TNKS2: variants seen among roughly 807,000 people sequenced by gnomAD.
TNKS2 encodes tankyrase 2.
A neutral mutation model predicts 137.6 loss-of-function variants in TNKS2; 72 were observed. The observed-to-expected ratio is 0.52, with a 90% CI of 0.43 to 0.64. The LOEUF is 0.64. TNKS2 is among the 30% of genes least tolerant of loss of function. The probability of loss-of-function intolerance (pLI) is 0.00; values close to 1 mark genes in which losing one functional copy is unlikely to be tolerated. For synonymous variants in TNKS2, 516 were observed against 512.1 expected (o/e 1.01, Z -0.10); for missense variants, 1,049 against 1,410.2 (o/e 0.74, Z 4.10).
intron 9 of TNKS2, among the ~76,000 whole-genome samples, chr10:91,830,514 G>A (rs538017475): frequency 2.0e-5 from 3 of 152,242 alleles, no homozygotes; most frequent in African/African-American, 4.8e-5. Flanking sequence ...CACTGTGCCC[G>A]GCTATATTCT....
In TNKS2 at chr10:91,837,325, T is replaced by C. The variant is rs532029025; in HGVS notation, c.1527+327T>C. Reference sequence around the variant, plus strand: ...AAATTATTTTATATTACTGTTTACGTATGACACATAAAACAAGAAAGGGGA... The same window carrying C: ...AAATTATTTTATATTACTGTTTACGCATGACACATAAAACAAGAAAGGGGA... On this transcript the variant is annotated intron_variant, in intron 13 of 26. Transcript: ENST00000371627. 3.3e-5 allele frequency among the ~76,000 whole-genome samples: 5 copies of C among 152,364 alleles called. No individual in the cohort carries two copies. In the South Asian group the frequency reaches 6.2e-4, roughly 19 times the overall value.
intron 2 of TNKS2, among the ~76,000 whole-genome samples, chr10:91,814,270 T>A (rs1039950057): frequency 2.0e-5 from 3 of 151,946 alleles, no homozygotes; most frequent in Non-Finnish European, 2.9e-5. Flanking sequence ...TAAAAAAAAA[T>A]TTTTTTGAAT....
intron 12 of TNKS2, 110 bp downstream of exon 12, chr10:91,834,134 T>C: frequency 1.2e-6 from 1 of 858,060 alleles, no homozygotes; most frequent in Non-Finnish European, 1.7e-6. Context: ...AGAATTTTTG[T>C]TTATTTCTTC....
chr10:91,819,182 A>C (rs1387929648), intron 3 of TNKS2, 88 bp from the exon 4 acceptor site: 3 of 740,460 alleles, frequency 4.1e-6, no homozygotes, highest in Admixed American at 3.7e-5. Context: ...AAATTTATCT[A>C]CTTTATAATT....
chr10:91,862,302 C>G lies in TNKS2; in HGVS notation c.3438+147C>G, dbSNP rs1431858644. 12 of 607,496 alleles carry G rather than the reference C, an allele frequency of 2.0e-5. No individual in the cohort carries two copies. The East Asian group carries it at 4.0e-4, about 20-fold the overall frequency. 37.6% of individuals were successfully genotyped at this position (607,496 alleles called of 1,614,324 possible). Reference sequence around the variant, plus strand: ...AGATAATTTCAGATTTGGAAAGTTACAAAAATAGTAAAGAGAATTTTCTTA... The same window carrying G: ...AGATAATTTCAGATTTGGAAAGTTAGAAAAATAGTAAAGAGAATTTTCTTA... On this transcript the variant is annotated intron_variant, in intron 26 of 26. Coordinates refer to ENST00000371627, the MANE Select transcript of TNKS2 (RefSeq NM_025235.4).
intron 1 of TNKS2, 136 bp downstream of exon 1, chr10:91,799,025 A>G: frequency 8.1e-7 from 1 of 1,227,668 alleles, no homozygotes; most frequent in Non-Finnish European, 1.0e-6. Flanking sequence ...GCTCTCTTCC[A>G]GTGGGGACTA....
chr10:91,800,693 G>A (rs1446309504), intron 1 of TNKS2, among the ~76,000 whole-genome samples: 5 of 152,104 alleles, frequency 3.3e-5, no homozygotes, highest in African/African-American at 7.2e-5. Context: ...GTATAAAAAG[G>A]GAGTAATAAA....
chr10:91,819,360 C>CTTT (rs74263177), intron 4 of TNKS2, 54 bp downstream of exon 4: 1,669 of 1,161,328 alleles, frequency 1.4e-3, no homozygotes, highest in South Asian at 3.4e-3. Flanking sequence ...TTAACTTTTT[C>CTTT]TTTTTTTTTT....
chr10:91,822,906 ACAT>A (rs1844943165), intron 7 of TNKS2, among the ~76,000 whole-genome samples: 1 of 151,872 alleles, frequency 6.6e-6, no homozygotes, highest in African/African-American at 2.4e-5. Context: ...ATCTTGCTAC[ACAT>A]CATCTTGTGA....
At chr10:91,810,851 C>T (rs1288680179) in intron 1 of TNKS2, among the ~76,000 whole-genome samples, 1 of 148,682 alleles carries the variant, frequency 6.7e-6, no homozygotes, top group East Asian at 2.0e-4. Context: ...CTTTGGCATT[C>T]TGTGTCCTGG....
chr10:91,854,914 A>AT, intron 21 of TNKS2, 115 bp from the exon 22 acceptor site: 2 of 495,192 alleles, frequency 4.0e-6, no homozygotes. Flanking sequence ...AAAAAAAAAA[A>AT]GTTTAAAAAA....
intron 9 of TNKS2, 56 bp downstream of exon 9, chr10:91,828,462 A>C: frequency 7.1e-7 from 1 of 1,412,664 alleles, no homozygotes; most frequent in Non-Finnish European, 9.4e-7. Context: ...TGCTAAACTA[A>C]TCATAATATC....
chr10:91,807,347 A>G (rs757663230), intron 1 of TNKS2: 151 of 1,614,036 alleles, frequency 9.4e-5, no homozygotes, highest in Non-Finnish European at 1.2e-4. Context: ...CAGAATGCCT[A>G]TATTTGAGAA....
At chr10:91,859,213 CTG>C (rs762559394) in intron 24 of TNKS2, among the ~76,000 whole-genome samples, 6 of 152,180 alleles carry the variant, frequency 3.9e-5, no homozygotes, top group Non-Finnish European at 8.8e-5. Context: ...TTCAAGTACT[CTG>C]TTTTTCTAGT....
chr10:91,805,425 G>T (rs74151736), intron 1 of TNKS2, among the ~76,000 whole-genome samples: 9,846 of 152,144 alleles, frequency 0.065, 1,059 homozygotes, highest in African/African-American at 0.23. Context: ...TACCCATATC[G>T]ATCGCCTCAG....
At chr10:91,831,406 C>T (rs1019927499) in intron 11 of TNKS2, among the ~76,000 whole-genome samples, 1 of 152,186 alleles carries the variant, frequency 6.6e-6, no homozygotes, top group Non-Finnish European at 1.5e-5. Context: ...CCTCCCTCCT[C>T]CATTCCTTTT....
chr10:91,854,629 T>C (rs989751895), intron 21 of TNKS2, among the ~76,000 whole-genome samples: 2 of 152,036 alleles, frequency 1.3e-5, no homozygotes, highest in African/African-American at 4.8e-5. Flanking sequence ...AGCGGCCAGG[T>C]GCAGTGGCTC....
rs1247713873 is a variant in TNKS2, at chr10:91,845,048, C to T, written c.2169+20C>T. The T allele has an allele frequency of 6.5e-7, 1 of 1,532,000 alleles. No homozygotes were observed. Among genetic ancestry groups the T allele is most frequent in the Admixed American group, 1.8e-5 (1 of 56,134 alleles). The allele number at this position is 1,532,000 out of a possible 1,614,324, so 94.9% of individuals were successfully genotyped here. ...TACGGGGTAAGTTCTTCCGTGTTACCTTTAAAAATTTGTGGAATTTTAAAG... is the reference window on the plus strand; with the variant it reads ...TACGGGGTAAGTTCTTCCGTGTTACTTTTAAAAATTTGTGGAATTTTAAAG... On this transcript the variant is annotated intron_variant, in intron 17 of 26. Coordinates refer to ENST00000371627, the MANE Select transcript of TNKS2 (RefSeq NM_025235.4).
At chr10:91,845,727 C>T in intron 17 of TNKS2, 25 bp from the exon 18 acceptor site, 1 of 1,434,918 alleles carries the variant, frequency 7.0e-7, no homozygotes, top group Non-Finnish European at 9.3e-7. Context: ...ATATTTCAGA[C>T]TGTAACGGGT....
Sources: gnomAD v4.1 joint callset for allele counts (sites outside exome capture counted in the v4.1 genomes callset) on GRCh38, gnomAD v4.1.1 for gene constraint, MANE v1.5 for transcripts, NCBI Gene and HGNC (gene_info 2026-07-23, HGNC 2026-07-21) for gene names.